Variants in ARAP2 observed in about 807,000 individuals in gnomAD.
ARAP2 encodes the protein arf-GAP with Rho-GAP domain, ANK repeat and PH domain-containing protein 2.
Under a neutral mutation model 194.5 loss-of-function variants are expected in ARAP2, and 148 were observed. That is an observed-to-expected ratio of 0.76 (90% CI 0.67 to 0.87). The LOEUF (loss-of-function observed/expected upper bound fraction) is 0.87, where lower values mean the gene tolerates loss of function less well. Among genes scored for constraint, ARAP2 ranks in the 40% least tolerant of loss-of-function variants. The pLI, the probability that ARAP2 is intolerant of heterozygous loss-of-function variation, is 0.00. For synonymous variants in ARAP2, 695 were observed against 683.5 expected, an observed-to-expected ratio of 1.02 and a Z score of -0.26; for missense variants, 2,128 against 1,989.7, an observed-to-expected ratio of 1.07 and a Z score of -1.32.
intron 5 of ARAP2, among the ~76,000 whole-genome samples, chr4:36,041,880 G>A (rs1421836888): frequency 2.6e-5 from 4 of 152,194 alleles, no homozygotes; most frequent in Non-Finnish European, 5.9e-5. Flanking sequence ...TGGGAACATG[G>A]ATGAAGTTGG....
intron 23 of ARAP2, among the ~76,000 whole-genome samples, chr4:36,120,430 CACTA>C (rs1383376159): frequency 2.6e-5 from 4 of 151,588 alleles, no homozygotes; most frequent in African/African-American, 9.7e-5. Context: ...TAACCAATTA[CACTA>C]ACTGTCTTGA....
chr4:36,202,916 G>A (rs527312748), intron 6 of ARAP2, among the ~76,000 whole-genome samples: 5 of 152,156 alleles, frequency 3.3e-5, no homozygotes, highest in African/African-American at 7.2e-5. Flanking sequence ...TCCAGCATTC[G>A]ATTAAATTAA....
intron 15 of ARAP2, among the ~76,000 whole-genome samples, chr4:36,158,346 T>A (rs756509770): frequency 1.3e-5 from 2 of 152,178 alleles, no homozygotes; most frequent in African/African-American, 4.8e-5. Flanking sequence ...GTACTCTAAT[T>A]GAATATGTAC....
At chr4:36,101,698 T>C (rs537096801) in intron 27 of ARAP2, among the ~76,000 whole-genome samples, 9 of 151,942 alleles carry the variant, frequency 5.9e-5, no homozygotes, top group Admixed American at 2.0e-4. Context: ...GAAGACAGGT[T>C]ATATCATCTT....
At chr4:36,127,742 GAT>G (rs1438933472) in intron 21 of ARAP2, among the ~76,000 whole-genome samples, 1 of 151,634 alleles carries the variant, frequency 6.6e-6, no homozygotes, top group East Asian at 1.9e-4. Context: ...AAATATTATA[GAT>G]ATATGAGAAA....
chr4:36,221,011 G>C (rs1749054745), intron 2 of ARAP2, among the ~76,000 whole-genome samples: 1 of 152,024 alleles, frequency 6.6e-6, no homozygotes, highest in Non-Finnish European at 1.5e-5. Context: ...CCCACGTTAA[G>C]TGCCCTATAC....
intron 1 of ARAP2, among the ~76,000 whole-genome samples, chr4:36,231,072 C>T (rs1751350152): frequency 6.6e-6 from 1 of 152,208 alleles, no homozygotes; most frequent in South Asian, 2.1e-4. Context: ...CAAAGTGGCT[C>T]ACGCCTGTAA....
At chr4:36,236,710 C>T (rs780411180) in intron 1 of ARAP2, among the ~76,000 whole-genome samples, 16 of 152,168 alleles carry the variant, frequency 1.1e-4, no homozygotes, top group Non-Finnish European at 1.0e-4. Flanking sequence ...AACAGTGGTT[C>T]CCAATGGATT....
chr4:36,026,562 T>C (rs1046615911), intron 5 of ARAP2, among the ~76,000 whole-genome samples: 5 of 152,158 alleles, frequency 3.3e-5, no homozygotes, highest in African/African-American at 1.2e-4. Context: ...CTTTAGCAAA[T>C]GGTGAGGACA....
At chr4:36,193,833 T>C (rs1742493411) in intron 6 of ARAP2, among the ~76,000 whole-genome samples, 186 bp from the exon 7 acceptor site, 1 of 152,216 alleles carries the variant, frequency 6.6e-6, no homozygotes, top group African/African-American at 2.4e-5. Context: ...TAGTACTTTC[T>C]AATCAGTTGA....
intron 27 of ARAP2, 38 bp downstream of exon 27, chr4:36,107,525 ATT>A: frequency 1.3e-6 from 2 of 1,566,418 alleles, no homozygotes; most frequent in Non-Finnish European, 1.7e-6. Flanking sequence ...AACCACTTGA[ATT>A]TTCAATCATA....
chr4:36,007,928 G>A (rs1713636176), intron 9 of ARAP2, among the ~76,000 whole-genome samples: 1 of 151,936 alleles, frequency 6.6e-6, no homozygotes, highest in African/African-American at 2.4e-5. Flanking sequence ...AATCAAGAAG[G>A]CAATCTCTTT....
intron 5 of ARAP2, among the ~76,000 whole-genome samples, chr4:36,042,067 T>G (rs1238336044): frequency 6.6e-6 from 1 of 152,108 alleles, no homozygotes; most frequent in African/African-American, 2.4e-5. Flanking sequence ...AAAATAATTA[T>G]TGGGTACTGG....
At chr4:36,233,509 A>G (rs772409595) in intron 1 of ARAP2, among the ~76,000 whole-genome samples, 6 of 152,222 alleles carry the variant, frequency 3.9e-5, no homozygotes, top group Non-Finnish European at 8.8e-5. Flanking sequence ...CCTGAGCCTA[A>G]GCTCATCACT....
At chr4:36,055,732 T>C (rs1723399473) in intron 2 of ARAP2, among the ~76,000 whole-genome samples, 1 of 151,994 alleles carries the variant, frequency 6.6e-6, no homozygotes, top group Non-Finnish European at 1.5e-5. Context: ...ACAAGCTAAT[T>C]TTTGTATTTT....
chr4:36,221,926 A>ACCAATAAAGG (rs1285426542), intron 2 of ARAP2, among the ~76,000 whole-genome samples: 1 of 152,120 alleles, frequency 6.6e-6, no homozygotes, highest in East Asian at 1.9e-4. Flanking sequence ...TCCTAATCCT[A>ACCAATAAAGG]CCAATAAAGG....
rs570736930 is a variant in ARAP2, at chr4:36,152,464, G to A, written c.2753-1420C>T. Among the ~76,000 whole-genome samples the A allele has an allele frequency of 2.6e-5, 4 of 152,276 alleles. No individual in the cohort carries two copies. In the East Asian group the frequency reaches 7.7e-4, roughly 29 times the overall value. ...TCAAAACAATGTATTCAGACGTCTA[G>A]AAGAATCTTTGTAAGAGAATAAATA... On this transcript the variant is annotated intron_variant, in intron 15 of 32. Transcript: ENST00000303965.
In ARAP2 at chr4:36,119,734, T is replaced by G; in HGVS notation, c.3895-16A>C. 6.5e-7 allele frequency: 1 copy of G among 1,541,394 alleles called. No homozygotes were observed. Among genetic ancestry groups the G allele is most frequent in the Middle Eastern group, 1.7e-4 (1 of 5,882 alleles). On this transcript the variant is annotated splice_polypyrimidine_tract_variant and intron_variant, in intron 23 of 32. Transcript: ENST00000303965. Reference sequence around the variant, plus strand: ...CTTCTTTAACCTGTTTAAAATATAATTCGGGACATTCTAATAATGTAGAAT... The same window carrying G: ...CTTCTTTAACCTGTTTAAAATATAAGTCGGGACATTCTAATAATGTAGAAT...
intron 10 of ARAP2, chr4:36,005,888 G>T (rs936416147): frequency 6.6e-6 from 1 of 152,056 alleles, no homozygotes; most frequent in African/African-American, 2.4e-5. Flanking sequence ...AGTCTCTCAG[G>T]GTAGACCAGT....
Sources: allele counts gnomAD v4.1 joint callset (sites outside exome capture counted in the v4.1 genomes callset), GRCh38; gene constraint gnomAD v4.1.1; transcripts MANE v1.5; gene names NCBI Gene and HGNC (gene_info 2026-07-23, HGNC 2026-07-21).